LUZP4: variants seen among roughly 807,000 people sequenced by gnomAD.
LUZP4 encodes leucine zipper protein 4.
A neutral mutation model predicts 8.5 loss-of-function variants in LUZP4; 11 were observed. That is an observed-to-expected ratio of 1.30 (90% CI 0.82 to 2.14). The LOEUF (loss-of-function observed/expected upper bound fraction) is 2.14. Among genes scored for constraint, LUZP4 ranks in the 30% most tolerant of loss-of-function variants. The pLI, the probability that LUZP4 is intolerant of heterozygous loss-of-function variation, is 0.00. For missense variants in LUZP4, 276 were observed against 229.7 expected, an observed-to-expected ratio of 1.20 and a Z score of -1.30; for synonymous variants, 104 against 79.4, an observed-to-expected ratio of 1.31 and a Z score of -1.65.
In LUZP4 at chrX:115,306,411, T is replaced by C. The variant is rs1453848493; in HGVS notation, c.549T>C (p.His183=). The C allele has an allele frequency of 3.3e-6, 4 of 1,209,467 alleles. No individual in the cohort carries two copies. The highest frequency in any genetic ancestry group is 3.5e-5 in the African/African-American group (2 of 57,047). The part of the protein sequence containing the change: ...SDRSQGQLKR[H]HPQYERSHGQ... ...GATCTCAAGGGCAGCTAAAGAGACATCATCCCCAATATGAGAGATCTCATG... is the reference window on the plus strand; with the variant it reads ...GATCTCAAGGGCAGCTAAAGAGACACCATCCCCAATATGAGAGATCTCATG... Residue 183 remains histidine, a synonymous_variant, in exon 4 of 4, where the codon CAT becomes CAC. Coordinates refer to ENST00000371920, the MANE Select transcript of LUZP4 (RefSeq NM_016383.5).
At chrX:115,303,254 A>C (rs782747500) in intron 2 of LUZP4, 46 bp from the exon 3 acceptor site, 8 of 757,942 alleles carry the variant, frequency 1.1e-5, no homozygotes, top group Non-Finnish European at 1.6e-5. Flanking sequence ...TGAAAGATAC[A>C]TTGAATTTAC....
At chrX:115,293,900 G>A (rs1290942752) in intron 1 of LUZP4, among the ~76,000 whole-genome samples, 3 of 109,352 alleles carry the variant, frequency 2.7e-5, no homozygotes, top group Non-Finnish European at 5.7e-5. Context: ...GCAGTGAGCC[G>A]AGATTGTGCC....
chrX:115,296,439 G>C (rs952959880), intron 1 of LUZP4, among the ~76,000 whole-genome samples: 2 of 111,393 alleles, frequency 1.8e-5, no homozygotes. Flanking sequence ...GGATTCAGTG[G>C]AGAATATCAT....
In LUZP4 at chrX:115,289,847, C is replaced by G. The variant is rs1162912517; in HGVS notation, c.88C>G (p.Leu30Val). Residue 30 changes from leucine to valine, a missense_variant, in exon 1 of 4, where the codon CTA becomes GTA. Transcript: ENST00000371920. ...RKKVNFLDMS[L>V]DDIIIYKELE... is the part of the protein sequence containing the mutation. Reference sequence around the variant, plus strand: ...AAAGGTTAACTTCCTAGATATGTCTCTAGGTATGTAGATCTCGGATCCCAG... The same window carrying G: ...AAAGGTTAACTTCCTAGATATGTCTGTAGGTATGTAGATCTCGGATCCCAG... The G allele has an allele frequency of 5.1e-6, 6 of 1,186,511 alleles. No homozygotes were observed. In the African/African-American group the frequency reaches 7.1e-5, roughly 14 times the overall value.
chrX:115,300,150 G>C (rs2073389902), intron 1 of LUZP4, among the ~76,000 whole-genome samples: 1 of 111,482 alleles, frequency 9.0e-6, no homozygotes. Flanking sequence ...TCCAGCCTGG[G>C]GTTAGGGGAG....
rs782635209 is a variant in LUZP4, at chrX:115,306,371, T to C, written c.509T>C (p.Leu170Pro). 8.3e-7 allele frequency: 1 copy of C among 1,209,190 alleles called. No individual in the cohort carries two copies. Among genetic ancestry groups the C allele is most frequent in the African/African-American group, 1.8e-5 (1 of 57,035 alleles). Reference sequence around the variant, plus strand: ...TCCCGAAACCACTTAGAGAGATCTCTTTCTCAGTCAGACAGATCTCAAGGG... The same window carrying C: ...TCCCGAAACCACTTAGAGAGATCTCCTTCTCAGTCAGACAGATCTCAAGGG... ...ERSRNHLERS[L>P]SQSDRSQGQL... The change falls in exon 4 of 4, where the codon CTT becomes CCT. Residue 170 changes from leucine (L) to proline (P), a missense_variant. By Grantham distance (98) the Leu-to-Pro change is moderately conservative. Transcript: ENST00000371920.
chrX:115,300,274 C>T lies in LUZP4; in HGVS notation c.92-1718C>T, dbSNP rs2073390717. On this transcript the variant is annotated intron_variant, in intron 1 of 3. Transcript: ENST00000371920. ...AGCACTAAGTCTTGCCTAAGAGTTG[C>T]AGTCCTTATGGCCTAGACCAGGTGT... 2.7e-5 allele frequency among the ~76,000 whole-genome samples: 3 copies of T among 112,057 alleles called. No individual in the cohort carries two copies. The South Asian group carries it at 1.1e-3, about 42-fold the overall frequency.
Position 115,302,062 on chromosome X carries a change from T to A in LUZP4, c.162T>A (p.His54Gln), listed in dbSNP as rs1165995213. 15 of 1,190,870 alleles carry A rather than the reference T, an allele frequency of 1.3e-5. No homozygotes were observed. The highest frequency in any genetic ancestry group is 2.3e-5 in the Admixed American group (1 of 44,070). ...AEEEKNKRQN[H>Q]SKKESPSRQQ... ...AAGAAAAGAATAAAAGACAGAACCA[T>A]AGTAAAAAGGAATCGCCTTCAAGAC... is the stretch of plus-strand genomic sequence containing the variant. Residue 54 changes from histidine to glutamine, a missense_variant, in exon 2 of 4, where the codon CAT (histidine) becomes CAA (glutamine). Transcript: ENST00000371920.
chrX:115,293,876 G>A (rs781972921), intron 1 of LUZP4, among the ~76,000 whole-genome samples: 62 of 109,758 alleles, frequency 5.6e-4, no homozygotes, highest in Middle Eastern at 4.6e-3. Flanking sequence ...GCTTGAACCC[G>A]GGAGGCCGAG....
intron 3 of LUZP4, among the ~76,000 whole-genome samples, chrX:115,305,065 C>CT (rs2073414301): frequency 1.8e-5 from 2 of 111,732 alleles, no homozygotes; most frequent in African/African-American, 6.5e-5. Context: ...GTAGGAAATA[C>CT]ATAGTACATT....
At chrX:115,289,956 A>T in intron 1 of LUZP4, 106 bp downstream of exon 1, 1 of 517,350 alleles carries the variant, frequency 1.9e-6, no homozygotes, top group East Asian at 4.2e-5. Context: ...GGAACACACC[A>T]GTTCGAGGAG....
intron 1 of LUZP4, among the ~76,000 whole-genome samples, chrX:115,299,842 C>T (rs62600465): frequency 9.0e-6 from 1 of 111,282 alleles, no homozygotes; most frequent in Non-Finnish European, 1.9e-5. Context: ...CCAAGGCTCT[C>T]AACATAGTAC....
chrX:115,300,803 AG>A (rs1556601214), intron 1 of LUZP4, among the ~76,000 whole-genome samples: 2 of 111,163 alleles, frequency 1.8e-5, no homozygotes, highest in Admixed American at 1.9e-4. Context: ...AGTTGGGGGA[AG>A]GGTGACATTG....
intron 1 of LUZP4, among the ~76,000 whole-genome samples, chrX:115,291,613 G>T (rs782189004): frequency 3.6e-4 from 40 of 110,996 alleles, no homozygotes; most frequent in Non-Finnish European, 6.4e-4. Context: ...AGTGGAGGGA[G>T]AGTGTACCAT....
rs1052255393 is a variant in LUZP4 at position 115,291,792 on chromosome X, C to T, written c.91+1942C>T. On this transcript the variant is annotated intron_variant, in intron 1 of 3. Coordinates refer to ENST00000371920, the MANE Select transcript of LUZP4 (RefSeq NM_016383.5). The stretch of plus-strand genomic sequence containing the variant: ...CAAAGATTAGCTGGGCATGGTGTTG[C>T]GTGCCTGTAGTCCCAGCTATGCAGG... Among the ~76,000 whole-genome samples, 10 of 110,670 alleles carry T rather than the reference C, an allele frequency of 9.0e-5. No homozygotes were observed. In the East Asian group the frequency reaches 1.1e-3, roughly 13 times the overall value.
Position 115,302,136 on chromosome X carries a change from GA to G in LUZP4, c.223+17del. ...CGCCATCGGAGAGGTAAAGTATGCT[GA>G]AAATAGTCACACGTGGTAAAAAGAG... is the stretch of plus-strand genomic sequence containing the variant. On this transcript the variant is annotated intron_variant, in intron 2 of 3. Transcript: ENST00000371920. The G allele has an allele frequency of 1.5e-5, 17 of 1,160,377 alleles. No homozygotes were observed. The highest frequency in any genetic ancestry group is 1.8e-5 in the Non-Finnish European group (16 of 873,461).
intron 1 of LUZP4, among the ~76,000 whole-genome samples, chrX:115,298,002 C>T (rs1390804329): frequency 9.3e-6 from 1 of 107,042 alleles, no homozygotes; most frequent in Non-Finnish European, 1.9e-5. Context: ...TTAGTAGAGA[C>T]GGGGTTTCAC....
Position 115,295,063 on chromosome X carries a change from C to A in LUZP4, c.91+5213C>A, listed in dbSNP as rs958984477. Among the ~76,000 whole-genome samples, 4 of 111,460 alleles carry A rather than the reference C, an allele frequency of 3.6e-5. No individual in the cohort carries two copies. The Admixed American group carries it at 3.8e-4, about 11-fold the overall frequency. ...TTCGACTAGTTATCACAGGCCCTTG[C>A]GGTTTATTTTATTTTTACTTTTATT... On this transcript the variant is annotated intron_variant, in intron 1 of 3. Coordinates refer to ENST00000371920, the MANE Select transcript of LUZP4 (RefSeq NM_016383.5).
At chrX:115,291,940 T>A (rs1335865916) in intron 1 of LUZP4, among the ~76,000 whole-genome samples, 1 of 107,233 alleles carries the variant, frequency 9.3e-6, no homozygotes, top group African/African-American at 3.4e-5. Flanking sequence ...AAAAAAGTAA[T>A]GAAATGAAGA....
Sources: gnomAD v4.1 joint callset for allele counts (sites outside exome capture counted in the v4.1 genomes callset) on GRCh38, gnomAD v4.1.1 for gene constraint, MANE v1.5 for transcripts, NCBI Gene and HGNC (gene_info 2026-07-23, HGNC 2026-07-21) for gene names.